RAB8B: variants seen among roughly 807,000 people sequenced by gnomAD.
The protein encoded by RAB8B is ras-related protein Rab-8B.
RAB8B carries 11 observed loss-of-function variants against 32.0 expected under a neutral mutation model. The ratio of observed to expected loss-of-function variants is 0.34; its 90% CI spans 0.22 to 0.57. The LOEUF (loss-of-function observed/expected upper bound fraction) is 0.57, where lower values mean the gene tolerates loss of function less well. Among genes scored for constraint, RAB8B ranks in the 20% least tolerant of loss-of-function variants. RAB8B has a pLI of 0.86. For missense variants in RAB8B, 190 were observed against 258.5 expected (o/e 0.73, Z 1.82); for synonymous variants, 103 against 89.6 (o/e 1.15, Z -0.85).
intron 1 of RAB8B, among the ~76,000 whole-genome samples, chr15:63,229,036 T>C (rs1309702321): frequency 1.3e-5 from 2 of 152,256 alleles, no homozygotes; most frequent in Non-Finnish European, 2.9e-5. Flanking sequence ...GTGCATTTTA[T>C]ATTTTGCCAC....
intron 1 of RAB8B, among the ~76,000 whole-genome samples, chr15:63,234,292 G>A (rs1241785672): frequency 6.6e-6 from 1 of 152,058 alleles, no homozygotes; most frequent in African/African-American, 2.4e-5. Context: ...CTCCAGCAAT[G>A]GTATCCTTTC....
Position 63,228,995 on chromosome 15 carries a change from T to C in RAB8B, c.125-15761T>C, listed in dbSNP as rs182506938. 4.5e-3 allele frequency among the ~76,000 whole-genome samples: 685 copies of C among 152,376 alleles called. 3 individuals are homozygous for C. Among genetic ancestry groups the C allele is most frequent in the African/African-American group, 0.016 (661 of 41,582 alleles). Reference sequence around the variant, plus strand: ...ATTGTTTTACATGTTGCTTTCCATATGTACATGTATTTTCTACATGGTTGC... The same window carrying C: ...ATTGTTTTACATGTTGCTTTCCATACGTACATGTATTTTCTACATGGTTGC... On this transcript the variant is annotated intron_variant, in intron 1 of 7. Transcript: ENST00000321437.
In RAB8B at chr15:63,255,938, A is replaced by G. The variant is rs560548727; in HGVS notation, c.324+354A>G. Among the ~76,000 whole-genome samples the G allele has an allele frequency of 6.6e-5, 10 of 152,368 alleles. No homozygotes were observed. The East Asian group carries it at 1.7e-3, about 26-fold the overall frequency. On this transcript the variant is annotated intron_variant, in intron 4 of 7. Transcript: ENST00000321437. ...TTAAAACATCTGGTTCCCAGCTTCT[A>G]TCCCACCATGCTGTTTGGCTAGCAA...
At chr15:63,251,291 T>A (rs952575132) in intron 3 of RAB8B, 3 of 455,926 alleles carry the variant, frequency 6.6e-6, no homozygotes, top group African/African-American at 6.0e-5. Flanking sequence ...CAGGAAGGAA[T>A]TTTAGGGATA....
rs766431620 is a variant in RAB8B at position 63,259,715 on chromosome 15, CTG to C, written c.480+25_480+26del. 7.5e-6 allele frequency: 12 copies of C among 1,603,938 alleles called. No homozygotes were observed. Among genetic ancestry groups the C allele is most frequent in the Middle Eastern group, 3.3e-4 (2 of 6,034 alleles). ...GAGGTAAGAAGGAAACGTTTGGTGA[CTG>C]TTACGGAGCAGCACCAGTGCTTAGG... On this transcript the variant is annotated intron_variant, in intron 6 of 7. Transcript: ENST00000321437. The surrounding 1 kb of genome is among the most constrained non-coding windows in gnomAD (Gnocchi z 4.4).
chr15:63,220,095 G>T (rs899100692), intron 1 of RAB8B, among the ~76,000 whole-genome samples: 1 of 152,146 alleles, frequency 6.6e-6, no homozygotes, highest in African/African-American at 2.4e-5. Flanking sequence ...CCCCACTTCA[G>T]TGTTAGCCCT....
At chr15:63,196,032 A>G (rs1481875281) in intron 1 of RAB8B, among the ~76,000 whole-genome samples, 2 of 152,186 alleles carry the variant, frequency 1.3e-5, no homozygotes, top group Non-Finnish European at 2.9e-5. Context: ...GATTGTATGT[A>G]TTCCCTCTCT....
intron 1 of RAB8B, among the ~76,000 whole-genome samples, chr15:63,222,361 A>C (rs892393334): frequency 2.0e-5 from 3 of 152,056 alleles, no homozygotes; most frequent in Non-Finnish European, 4.4e-5. Flanking sequence ...TGCTGTTGTT[A>C]AACCTTTTAC....
At chr15:63,253,154 A>G (rs1294625164) in intron 3 of RAB8B, among the ~76,000 whole-genome samples, 7 of 152,220 alleles carry the variant, frequency 4.6e-5, no homozygotes, top group Non-Finnish European at 8.8e-5. Flanking sequence ...AAGGGAGGAT[A>G]GAGGAGTTGT....
chr15:63,209,677 C>CT (rs1483975547), intron 1 of RAB8B, among the ~76,000 whole-genome samples: 1 of 151,880 alleles, frequency 6.6e-6, no homozygotes, highest in African/African-American at 2.4e-5. Flanking sequence ...CAGTTTAGAA[C>CT]TTTTTTTCTG....
intron 1 of RAB8B, among the ~76,000 whole-genome samples, chr15:63,199,730 G>A (rs976922495): frequency 2.0e-5 from 3 of 151,544 alleles, no homozygotes; most frequent in Non-Finnish European, 4.4e-5. Context: ...GGCCTCCTGT[G>A]CACTACCACG....
intron 1 of RAB8B, among the ~76,000 whole-genome samples, chr15:63,225,041 TC>T (rs1178182341): frequency 6.6e-6 from 1 of 152,230 alleles, no homozygotes; most frequent in Non-Finnish European, 1.5e-5. Flanking sequence ...GATGGATATT[TC>T]CTATAGTTCT....
intron 1 of RAB8B, among the ~76,000 whole-genome samples, chr15:63,216,195 T>G (rs1595737939): frequency 7.5e-6 from 1 of 134,156 alleles, no homozygotes; most frequent in East Asian, 2.1e-4. Context: ...CAATCCAACT[T>G]TTACTTTAAT....
In RAB8B at chr15:63,263,690, C is replaced by T; in HGVS notation, c.*71C>T. 1 of 1,282,486 alleles carries T rather than the reference C, an allele frequency of 7.8e-7. No individual in the cohort carries two copies. The highest frequency in any genetic ancestry group is 1.1e-6 in the Non-Finnish European group (1 of 888,002). 79.4% of individuals were successfully genotyped at this position (1,282,486 alleles called of 1,614,324 possible). On this transcript the variant is annotated 3_prime_UTR_variant, in exon 8 of 8. Transcript: ENST00000321437. Reference sequence around the variant, plus strand: ...TGCTTCTCTGAAAGCACAGGTCACCCAGCCTCAGAATCACACCTCCCGGCT... The same window carrying T: ...TGCTTCTCTGAAAGCACAGGTCACCTAGCCTCAGAATCACACCTCCCGGCT...
chr15:63,222,691 C>T (rs189963711), intron 1 of RAB8B, among the ~76,000 whole-genome samples: 53 of 152,232 alleles, frequency 3.5e-4, no homozygotes, highest in Middle Eastern at 3.4e-3. Flanking sequence ...GCATATGCCA[C>T]GACACCCGAC....
At chr15:63,255,398 G>T (rs2038151107) in intron 3 of RAB8B, 109 bp from the exon 4 acceptor site, 2 of 678,210 alleles carry the variant, frequency 2.9e-6, no homozygotes, top group South Asian at 3.4e-5. Flanking sequence ...TTTTTAAAGG[G>T]AAAAAATGGA....
rs150365746 is a variant in RAB8B, at chr15:63,267,126, G to T, written c.*3507G>T. On this transcript the variant is annotated 3_prime_UTR_variant, in exon 8 of 8. Coordinates refer to ENST00000321437, the MANE Select transcript of RAB8B (RefSeq NM_016530.3). ...TCCCTTGATATAGAGGGACCTAGAC[G>T]GACAGGATATGCTAAAATAATTTCA... The T allele has an allele frequency of 2.6e-5, 4 of 152,394 alleles. No homozygotes were observed. The East Asian group carries it at 7.7e-4, about 29-fold the overall frequency. 9.4% of individuals were successfully genotyped at this position (152,394 alleles called of 1,614,324 possible). A position where few individuals can be genotyped will look rare whatever the true frequency, so the allele number is the denominator to read the frequency against.
intron 3 of RAB8B, among the ~76,000 whole-genome samples, chr15:63,255,115 G>A (rs10152908): frequency 0.047 from 7,117 of 152,224 alleles, 228 homozygotes; most frequent in Middle Eastern, 0.089. Flanking sequence ...AAGCAAGATA[G>A]TTTCTACTTG....
intron 1 of RAB8B, among the ~76,000 whole-genome samples, chr15:63,197,147 A>C (rs1307239181): frequency 6.6e-6 from 1 of 151,974 alleles, no homozygotes; most frequent in Non-Finnish European, 1.5e-5. Context: ...ATAAGGCCAA[A>C]TTCTATTTAA....
Sources: gnomAD v4.1 joint callset for allele counts (sites outside exome capture counted in the v4.1 genomes callset) on GRCh38, gnomAD v4.1.1 for gene constraint, Gnocchi (gnomAD v3.1) non-coding constraint, MANE v1.5 for transcripts, NCBI Gene and HGNC (gene_info 2026-07-23, HGNC 2026-07-21) for gene names.